The following ASIC2 variants were observed in gnomAD, a reference collection of about 807,000 sequenced individuals.
ASIC2 encodes acid sensing ion channel subunit 2, also known as acid-sensing ion channel 2.
A neutral mutation model predicts 57.3 loss-of-function variants in ASIC2; 25 were observed. The observed-to-expected ratio is 0.44, with a 90% CI of 0.32 to 0.61. The LOEUF (loss-of-function observed/expected upper bound fraction) is 0.61. Among genes scored for constraint, ASIC2 ranks in the 20% least tolerant of loss-of-function variants. The pLI is 0.06. For synonymous variants in ASIC2, 319 were observed against 307.5 expected, an observed-to-expected ratio of 1.04 and a Z score of -0.39; for missense variants, 641 against 738.1, an observed-to-expected ratio of 0.87 and a Z score of 1.52.
intron 1 of ASIC2, among the ~76,000 whole-genome samples, chr17:33,376,016 T>A (rs6505338): frequency 0.04 from 6,140 of 152,212 alleles, 443 homozygotes; most frequent in African/African-American, 0.14. Context: ...GTTAAGTTTA[T>A]GAGTGTGGAG....
At chr17:33,447,912 CAAAAA>C (rs34092157) in intron 1 of ASIC2, among the ~76,000 whole-genome samples, 1 of 73,084 alleles carries the variant, frequency 1.4e-5, no homozygotes, top group Non-Finnish European at 2.9e-5. Flanking sequence ...GACTCAGTCT[CAAAAA>C]AAAAAAAAAA....
intron 1 of ASIC2, among the ~76,000 whole-genome samples, chr17:33,942,689 T>G (rs1916218641): frequency 6.6e-6 from 1 of 152,184 alleles, no homozygotes; most frequent in African/African-American, 2.4e-5. Flanking sequence ...TCTAGTTTTT[T>G]CATTCCTGAC....
intron 1 of ASIC2, among the ~76,000 whole-genome samples, chr17:33,213,290 A>G (rs1215638905): frequency 6.6e-6 from 1 of 152,220 alleles, no homozygotes; most frequent in Non-Finnish European, 1.5e-5. Flanking sequence ...CCTTGCTTGG[A>G]AAGACCAGAA....
At chr17:33,626,333 C>T (rs9909772) in intron 1 of ASIC2, among the ~76,000 whole-genome samples, 13,446 of 152,124 alleles carry the variant, frequency 0.088, 624 homozygotes, top group African/African-American at 0.12. Context: ...TCATTTACCA[C>T]GTATGTTATT....
intron 1 of ASIC2, among the ~76,000 whole-genome samples, chr17:33,272,948 C>T (rs1383309307): frequency 6.6e-6 from 1 of 152,174 alleles, no homozygotes; most frequent in Non-Finnish European, 1.5e-5. Flanking sequence ...TTTGACTGAA[C>T]TGCCTCTCTC....
At chr17:34,122,321 C>A (rs2887318) in intron 1 of ASIC2, among the ~76,000 whole-genome samples, 1 of 151,990 alleles carries the variant, frequency 6.6e-6, no homozygotes, top group African/African-American at 2.4e-5. Flanking sequence ...CACAAGGGAG[C>A]GAGGGTCCAG....
intron 1 of ASIC2, among the ~76,000 whole-genome samples, chr17:33,982,546 G>A (rs1429738150): frequency 6.6e-6 from 1 of 152,150 alleles, no homozygotes; most frequent in African/African-American, 2.4e-5. Context: ...GTGGGTCCTT[G>A]TCCATATTGT....
intron 1 of ASIC2, among the ~76,000 whole-genome samples, chr17:33,535,341 C>T (rs1464131297): frequency 1.3e-5 from 2 of 150,518 alleles, no homozygotes; most frequent in Non-Finnish European, 2.9e-5. Flanking sequence ...GGTGCGATCT[C>T]GGCTCACTGC....
chr17:33,835,702 T>G (rs1024070718), intron 1 of ASIC2, among the ~76,000 whole-genome samples: 3 of 152,242 alleles, frequency 2.0e-5, no homozygotes, highest in African/African-American at 7.2e-5. Flanking sequence ...TATCACATCA[T>G]AGAGGAGTCT....
rs1026666786 is a variant in ASIC2 at position 33,231,907 on chromosome 17, T to C, written c.708+59501A>G. Among the ~76,000 whole-genome samples, 3 of 152,194 alleles carry C rather than the reference T, an allele frequency of 2.0e-5. No homozygotes were observed. In the East Asian group the frequency reaches 5.8e-4, roughly 29 times the overall value. ...CAGGGAGCCTGTCCTCTCCTTTATA[T>C]TCATTCATTACTTTTCTTTTTATCC... On this transcript the variant is annotated intron_variant, in intron 1 of 9. Coordinates refer to ENST00000225823, the MANE Select transcript of ASIC2 (RefSeq NM_183377.2).
intron 1 of ASIC2, among the ~76,000 whole-genome samples, chr17:33,761,817 G>C (rs1175293406): frequency 1.4e-5 from 2 of 146,972 alleles, no homozygotes; most frequent in Non-Finnish European, 3.0e-5. Context: ...ACCCACCTAA[G>C]ACCTCCCCAG....
chr17:33,096,677 A>G (rs1179387122), intron 2 of ASIC2, among the ~76,000 whole-genome samples: 1 of 152,210 alleles, frequency 6.6e-6, no homozygotes. Flanking sequence ...GGAAAGTGCT[A>G]GGAGAAGTGA....
rs1191971265 is a variant in ASIC2, at chr17:33,391,195, G to GT, written c.556-279129dup. ...AGATGATGAAAAATACATAGAAGGG[G>GT]TGTATGGCCTTCCAGAAGGGATAGG... On this transcript the variant is annotated intron_variant, in intron 1 of 9. Coordinates refer to the ASIC2 transcript ENST00000359872. Among the ~76,000 whole-genome samples the GT allele has an allele frequency of 2.0e-5, 3 of 152,176 alleles. No individual in the cohort carries two copies. The East Asian group carries it at 5.8e-4, about 29-fold the overall frequency.
chr17:33,527,589 C>T (rs1008022665), intron 1 of ASIC2, among the ~76,000 whole-genome samples: 1 of 152,114 alleles, frequency 6.6e-6, no homozygotes, highest in African/African-American at 2.4e-5. Context: ...GAATCAAAAA[C>T]AACAAACTCT....
rs9890913 is a variant in ASIC2 at position 33,291,533 on chromosome 17, G to A, written c.583C>T (p.Leu195=). 0.097 allele frequency: 156,355 copies of A among 1,612,342 alleles called. 8,257 individuals carry two copies. The highest frequency in any genetic ancestry group is 0.17 in the Admixed American group (9,918 of 59,986). The part of the protein sequence containing the change: ...FRKLADFRLF[L]PPRHFEGISA... ...ATTCCCTCGAAGTGGCGCGGAGGCA[G>A]GAAGAGGCGGAAGTCCGCCAGCTTG... Residue 195 remains leucine, a synonymous_variant, in exon 1 of 10, where the codon CTG becomes TTG. Transcript: ENST00000225823.
At chr17:33,575,768 G>C (rs1916599152) in intron 1 of ASIC2, among the ~76,000 whole-genome samples, 1 of 152,158 alleles carries the variant, frequency 6.6e-6, no homozygotes, top group Non-Finnish European at 1.5e-5. Context: ...GACTCGGTAG[G>C]TTTCATGGGC....
chr17:33,606,880 A>G (rs1057184287), intron 1 of ASIC2, among the ~76,000 whole-genome samples: 5 of 152,136 alleles, frequency 3.3e-5, no homozygotes, highest in African/African-American at 7.2e-5. Context: ...TCACACTTCC[A>G]TCCAATCCCA....
intron 1 of ASIC2, among the ~76,000 whole-genome samples, chr17:33,709,600 A>G (rs1365080200): frequency 1.3e-5 from 2 of 152,222 alleles, no homozygotes; most frequent in African/African-American, 4.8e-5. Context: ...TGTAGAAGGT[A>G]CCAATCTATG....
chr17:33,995,446 C>T (rs996894772), intron 1 of ASIC2, among the ~76,000 whole-genome samples: 6 of 152,218 alleles, frequency 3.9e-5, no homozygotes, highest in East Asian at 1.9e-4. Context: ...TGGCTCCTTC[C>T]ATAATGAACT....
Sources: allele counts gnomAD v4.1 joint callset (sites outside exome capture counted in the v4.1 genomes callset), GRCh38; gene constraint gnomAD v4.1.1; transcripts MANE v1.5; gene names NCBI Gene and HGNC (gene_info 2026-07-23, HGNC 2026-07-21).